The following STARD13 variants were observed in gnomAD, a reference collection of about 807,000 sequenced individuals.
STARD13 encodes stAR-related lipid transfer protein 13.
A neutral mutation model predicts 106.4 loss-of-function variants in STARD13; 62 were observed. The observed-to-expected ratio is 0.58, with a 90% CI of 0.48 to 0.72. STARD13 has a LOEUF of 0.72. STARD13 is among the 30% of genes least tolerant of loss of function. The probability of loss-of-function intolerance (pLI) is 0.00; values close to 1 mark genes in which losing one functional copy is unlikely to be tolerated. For missense variants in STARD13, 1,387 were observed against 1,424.0 expected (o/e 0.97, Z 0.42); for synonymous variants, 565 against 553.0 (o/e 1.02, Z -0.31).
intron 1 of STARD13, among the ~76,000 whole-genome samples, chr13:33,197,236 A>G (rs760486969): frequency 6.6e-6 from 1 of 152,200 alleles, no homozygotes; most frequent in Non-Finnish European, 1.5e-5. Context: ...AAGACTGAGG[A>G]GGTCAATATT....
chr13:33,261,001 G>A (rs1309135777), intron 1 of STARD13, among the ~76,000 whole-genome samples: 1 of 152,022 alleles, frequency 6.6e-6, no homozygotes, highest in Non-Finnish European at 1.5e-5. Context: ...GTCCCTATAG[G>A]GCAATAACTA....
At chr13:33,202,361 A>T in intron 1 of STARD13, among the ~76,000 whole-genome samples, 1 of 152,204 alleles carries the variant, frequency 6.6e-6, no homozygotes, top group East Asian at 1.9e-4. Flanking sequence ...TATTCCAGAC[A>T]CAAAAATGGG....
the STARD13 span, among the ~76,000 whole-genome samples, chr13:33,444,267 T>C: frequency 5.9e-5 from 9 of 152,308 alleles, no homozygotes; most frequent in East Asian, 1.9e-4. Context: ...GTGGTCTATA[T>C]TGGAGATCCA....
the STARD13 span, among the ~76,000 whole-genome samples, chr13:33,396,656 A>T: frequency 6.6e-6 from 1 of 152,226 alleles, no homozygotes; most frequent in Non-Finnish European, 1.5e-5. Context: ...CGACTGCCCC[A>T]AAAATTTCTG....
upstream of STARD13, among the ~76,000 whole-genome samples, chr13:33,290,076 T>TA (rs1176658979): frequency 6.6e-6 from 1 of 152,196 alleles, no homozygotes; most frequent in African/African-American, 2.4e-5. Context: ...AGTATTTTGA[T>TA]AGATGATCCC....
At chr13:33,127,262 G>A in intron 6 of STARD13, 111 bp downstream of exon 6, 5 of 1,204,784 alleles carry the variant, frequency 4.2e-6, no homozygotes, top group Non-Finnish European at 5.5e-6. Context: ...GATCATCAGT[G>A]AAGGCAATGA....
At chr13:33,122,586 CT>C (rs1876505920) in intron 7 of STARD13, among the ~76,000 whole-genome samples, 1 of 152,232 alleles carries the variant, frequency 6.6e-6, no homozygotes, top group African/African-American at 2.4e-5. Flanking sequence ...CCCAGCCACC[CT>C]CTTGAGAAAG....
the STARD13 span, among the ~76,000 whole-genome samples, chr13:33,570,080 A>AT: frequency 2.0e-5 from 3 of 147,852 alleles, 1 homozygote; most frequent in Admixed American, 1.4e-4. Flanking sequence ...TACAAAAAAA[A>AT]TTTATGAGCC....
the STARD13 span, among the ~76,000 whole-genome samples, chr13:33,564,673 C>CA: frequency 6.8e-6 from 1 of 147,082 alleles, no homozygotes; most frequent in Admixed American, 6.9e-5. Flanking sequence ...TGTATACCTA[C>CA]AAATGGAACA....
the STARD13 span, among the ~76,000 whole-genome samples, chr13:33,521,128 G>A: frequency 2.0e-5 from 3 of 152,060 alleles, no homozygotes; most frequent in African/African-American, 7.2e-5. Context: ...TATTTGTCAG[G>A]AACTGAGAGT....
At chr13:33,177,368 G>A (rs920642424) in intron 1 of STARD13, among the ~76,000 whole-genome samples, 3 of 152,208 alleles carry the variant, frequency 2.0e-5, no homozygotes, top group Non-Finnish European at 2.9e-5. Flanking sequence ...GCAAATGTAC[G>A]AATAGAAGGA....
At chr13:33,233,229 C>A (rs1026276376) in intron 1 of STARD13, among the ~76,000 whole-genome samples, 9 of 152,252 alleles carry the variant, frequency 5.9e-5, no homozygotes, top group African/African-American at 2.2e-4. Flanking sequence ...GTTTGGTGTG[C>A]TTTCCTCTGA....
chr13:33,163,692 T>TATATAACATATATATAAAACATATATAC (rs1443313959), intron 3 of STARD13, among the ~76,000 whole-genome samples: 1 of 134,712 alleles, frequency 7.4e-6, no homozygotes, highest in Non-Finnish European at 1.6e-5. Flanking sequence ...AACATATATA[T>TATATAACATATATATAAAACATATATAC]ATATAACATA....
the STARD13 span, among the ~76,000 whole-genome samples, chr13:33,474,086 C>T: frequency 6.6e-6 from 1 of 152,182 alleles, no homozygotes; most frequent in Admixed American, 6.6e-5. Context: ...AACACCGTCT[C>T]ACCCCAGTAT....
chr13:33,627,965 C>CTTTTTTTTTTTTT, the STARD13 span, among the ~76,000 whole-genome samples: 1 of 147,224 alleles, frequency 6.8e-6, no homozygotes, highest in African/African-American at 2.6e-5. Context: ...TCTTTTTTTT[C>CTTTTTTTTTTTTT]TTTCTTTTTT....
At chr13:33,205,822 G>T in intron 1 of STARD13, 1 of 983,692 alleles carries the variant, frequency 1.0e-6, no homozygotes, top group African/African-American at 1.7e-5. Context: ...AACTTACTTT[G>T]TTTAAAATTG....
At chr13:33,353,658 A>G (rs528888068), upstream of STARD13, among the ~76,000 whole-genome samples, 19 of 152,354 alleles carry the variant, frequency 1.2e-4, no homozygotes, top group South Asian at 1.2e-3. Flanking sequence ...CATAGAAAAG[A>G]CTTAACCTAT....
chr13:33,455,565 G>C, the STARD13 span, among the ~76,000 whole-genome samples: 1,652 of 152,234 alleles, frequency 0.011, 40 homozygotes, highest in African/African-American at 0.038. Context: ...GAGCCTGCCA[G>C]CTAAATCTGG....
At chr13:33,527,609 C>T in the STARD13 span, among the ~76,000 whole-genome samples, 214 of 151,916 alleles carry the variant, frequency 1.4e-3, 2 homozygotes, top group African/African-American at 4.7e-3. Context: ...GTGGACTGTC[C>T]AAGCCAGGAG....
Sources: allele counts gnomAD v4.1 joint callset (sites outside exome capture counted in the v4.1 genomes callset), GRCh38; gene constraint gnomAD v4.1.1; transcripts MANE v1.5; gene names NCBI Gene and HGNC (gene_info 2026-07-23, HGNC 2026-07-21).